The following RGPD2 variants were observed in gnomAD, a reference collection of about 807,000 sequenced individuals.
RGPD2 encodes RANBP2 like and GRIP domain containing 2.
RGPD2 carries 2 observed loss-of-function variants against 36.0 expected under a neutral mutation model. The observed-to-expected ratio is 0.06, with a 90% CI of 0.02 to 0.17. The LOEUF (loss-of-function observed/expected upper bound fraction) is 0.17, where lower values mean the gene tolerates loss of function less well. Ranked by LOEUF, RGPD2 falls within the 10% of genes least tolerant of loss-of-function variation. The pLI, the probability that RGPD2 is intolerant of heterozygous loss-of-function variation, is 1.00. For synonymous variants in RGPD2, 19 were observed against 163.8 expected, an observed-to-expected ratio of 0.12 and a Z score of 6.75; for missense variants, 40 against 464.3, an observed-to-expected ratio of 0.09 and a Z score of 8.40.
chr2:87,905,056 C>G, the RGPD2 span, among the ~76,000 whole-genome samples: 1 of 152,082 alleles, frequency 6.6e-6, no homozygotes, highest in Non-Finnish European at 1.5e-5. Context: ...TACCAGACCC[C>G]TAAGGGTTGG....
At chr2:87,972,825 G>A in the RGPD2 span, 1 of 1,611,748 alleles carries the variant, frequency 6.2e-7, no homozygotes. Flanking sequence ...TATGAGCTCT[G>A]GTGGTTCTGG....
chr2:87,927,444 C>T, the RGPD2 span, among the ~76,000 whole-genome samples: 8 of 143,264 alleles, frequency 5.6e-5, no homozygotes, highest in Admixed American at 4.9e-4. Flanking sequence ...TTTTTGTCAC[C>T]ATGTTGTAGC....
chr2:87,883,729 C>T, the RGPD2 span, among the ~76,000 whole-genome samples: 2 of 152,012 alleles, frequency 1.3e-5, no homozygotes, highest in Non-Finnish European at 2.9e-5. Context: ...CAGTTAATGA[C>T]AAAGTGGTAA....
At chr2:87,963,837 C>CTTTTTTTTTT in the RGPD2 span, among the ~76,000 whole-genome samples, 1 of 88,856 alleles carries the variant, frequency 1.1e-5, no homozygotes, top group Non-Finnish European at 2.0e-5. Flanking sequence ...TTCTTTCTTT[C>CTTTTTTTTTT]TTTTTTTTTT....
chr2:87,962,691 A>G, the RGPD2 span, among the ~76,000 whole-genome samples: 2 of 152,088 alleles, frequency 1.3e-5, no homozygotes, highest in East Asian at 3.9e-4. Flanking sequence ...GTTGTGGCAC[A>G]GTTCTGAGGC....
At chr2:87,877,745 C>T in the RGPD2 span, among the ~76,000 whole-genome samples, 2 of 124,734 alleles carry the variant, frequency 1.6e-5, no homozygotes, top group African/African-American at 3.1e-5. Context: ...GCAGAGCTTG[C>T]AGTGAACTGA....
chr2:87,815,284 T>G, intron 4 of RGPD2, among the ~76,000 whole-genome samples: 1 of 42,246 alleles, frequency 2.4e-5, no homozygotes, highest in Non-Finnish European at 4.0e-5. Context: ...TTTCAGACTT[T>G]GGAATATTTG....
At chr2:87,929,530 G>A in the RGPD2 span, among the ~76,000 whole-genome samples, 1 of 148,992 alleles carries the variant, frequency 6.7e-6, no homozygotes, top group East Asian at 2.0e-4. Context: ...TTTTGCTTAG[G>A]ACTTCTTTGG....
At chr2:87,887,365 C>A in the RGPD2 span, among the ~76,000 whole-genome samples, 2 of 150,786 alleles carry the variant, frequency 1.3e-5, no homozygotes, top group Non-Finnish European at 3.0e-5. Context: ...CAGAATCTTA[C>A]TGAACTAGAA....
the RGPD2 span, among the ~76,000 whole-genome samples, chr2:87,867,659 T>A: frequency 1.3e-5 from 2 of 152,190 alleles, no homozygotes; most frequent in South Asian, 4.1e-4. Flanking sequence ...GTAGTTTTTT[T>A]ATTTTTGAGT....
At chr2:87,870,578 T>G in the RGPD2 span, among the ~76,000 whole-genome samples, 1 of 152,226 alleles carries the variant, frequency 6.6e-6, no homozygotes, top group East Asian at 1.9e-4. Context: ...TAGCCCTCTG[T>G]GGTCCTCTGT....
chr2:87,885,954 C>T, the RGPD2 span, among the ~76,000 whole-genome samples: 1 of 151,992 alleles, frequency 6.6e-6, no homozygotes, highest in African/African-American at 2.4e-5. Context: ...AACAGTCTTG[C>T]TAAAACGTAG....
the RGPD2 span, among the ~76,000 whole-genome samples, chr2:87,911,176 G>A: frequency 1.6e-5 from 2 of 126,328 alleles, no homozygotes; most frequent in African/African-American, 5.8e-5. Context: ...GTAGAATAGA[G>A]TAGGAAAGAC....
chr2:87,830,213 C>T (rs1346639645), upstream of RGPD2, among the ~76,000 whole-genome samples: 2 of 152,226 alleles, frequency 1.3e-5, no homozygotes, highest in African/African-American at 2.4e-5. Flanking sequence ...TTGGGCAGCT[C>T]TGCCCCTGAG....
the RGPD2 span, among the ~76,000 whole-genome samples, chr2:87,830,949 A>C: frequency 6.6e-6 from 1 of 152,138 alleles, no homozygotes; most frequent in African/African-American, 2.4e-5. Flanking sequence ...CCATATCACA[A>C]ATAGTAGAAA....
chr2:87,915,652 A>G, the RGPD2 span, among the ~76,000 whole-genome samples: 1 of 146,788 alleles, frequency 6.8e-6, no homozygotes, highest in Non-Finnish European at 1.5e-5. Context: ...ATACACATAT[A>G]TATGTGTGTA....
the RGPD2 span, among the ~76,000 whole-genome samples, chr2:87,897,499 A>G: frequency 2.0e-5 from 3 of 152,058 alleles, no homozygotes; most frequent in Non-Finnish European, 4.4e-5. Context: ...TCCGAGGTAC[A>G]TGTGCAGAAT....
the RGPD2 span, among the ~76,000 whole-genome samples, chr2:87,842,362 T>A: frequency 6.7e-6 from 1 of 149,158 alleles, no homozygotes; most frequent in African/African-American, 2.6e-5. Context: ...TTCAGCAAAG[T>A]CTCAGGATAC....
chr2:87,929,475 T>TGTGTGTGTGTG, the RGPD2 span, among the ~76,000 whole-genome samples: 1 of 147,380 alleles, frequency 6.8e-6, no homozygotes, highest in African/African-American at 2.5e-5. Context: ...TTTGTTTTTT[T>TGTGTGTGTGTG]TGTGTGTGTG....
Sources: gnomAD v4.1 joint callset for allele counts (sites outside exome capture counted in the v4.1 genomes callset) on GRCh38, gnomAD v4.1.1 for gene constraint, MANE v1.5 for transcripts, NCBI Gene and HGNC (gene_info 2026-07-23, HGNC 2026-07-21) for gene names.